The following CCDC102B variants were observed in gnomAD, a reference collection of about 807,000 sequenced individuals.
The protein encoded by CCDC102B is coiled-coil domain-containing protein 102B.
Under a neutral mutation model 57.4 loss-of-function variants are expected in CCDC102B, and 75 were observed. The observed-to-expected ratio is 1.31, with a 90% confidence interval of 1.08 to 1.58. The LOEUF is 1.58. Ranked by LOEUF, CCDC102B falls within the 40% of genes most tolerant of loss-of-function variation. The pLI, the probability that CCDC102B is intolerant of heterozygous loss-of-function variation, is 0.00. For missense variants in CCDC102B, 636 were observed against 582.6 expected, an observed-to-expected ratio of 1.09 and a Z score of -0.94; for synonymous variants, 206 against 201.9, an observed-to-expected ratio of 1.02 and a Z score of -0.17.
chr18:69,015,913 G>A (rs2051651912), intron 7 of CCDC102B, among the ~76,000 whole-genome samples: 1 of 151,916 alleles, frequency 6.6e-6, no homozygotes, highest in African/African-American at 2.4e-5. Context: ...GGAGTGCAGT[G>A]GTGTGATCTT....
chr18:68,742,926 T>C (rs1392089656), intron 2 of CCDC102B, among the ~76,000 whole-genome samples: 5 of 152,200 alleles, frequency 3.3e-5, no homozygotes, highest in Admixed American at 3.3e-4. Flanking sequence ...CCTGGATGTC[T>C]GGCTTTAACT....
chr18:68,868,548 C>G (rs1042507847), intron 4 of CCDC102B, among the ~76,000 whole-genome samples: 1 of 152,174 alleles, frequency 6.6e-6, no homozygotes, highest in Non-Finnish European at 1.5e-5. Flanking sequence ...CTTGCTGTCA[C>G]ATATTTCTGG....
intron 2 of CCDC102B, among the ~76,000 whole-genome samples, chr18:68,730,854 T>C: frequency 6.6e-6 from 1 of 152,216 alleles, no homozygotes; most frequent in Non-Finnish European, 1.5e-5. Flanking sequence ...AAGAAAGGTA[T>C]CAACAGTATC....
At chr18:68,857,274 TATAA>T (rs1210137673) in intron 4 of CCDC102B, among the ~76,000 whole-genome samples, 2 of 35,956 alleles carry the variant, frequency 5.6e-5, no homozygotes, top group Non-Finnish European at 1.2e-4. Context: ...TAAATATATA[TATAA>T]TATATATTTA....
intron 7 of CCDC102B, among the ~76,000 whole-genome samples, chr18:69,036,116 G>A (rs2052284930): frequency 6.6e-6 from 1 of 152,056 alleles, no homozygotes; most frequent in African/African-American, 2.4e-5. Context: ...GGGATTTAAA[G>A]TTTTATATAC....
At chr18:68,924,683 A>G (rs1327862356) in intron 6 of CCDC102B, among the ~76,000 whole-genome samples, 1 of 152,078 alleles carries the variant, frequency 6.6e-6, no homozygotes, top group Non-Finnish European at 1.5e-5. Context: ...TAGGTAGTTC[A>G]GGGGACTTAT....
intron 1 of CCDC102B, among the ~76,000 whole-genome samples, chr18:68,825,485 T>G (rs2036871674): frequency 6.6e-6 from 1 of 151,868 alleles, no homozygotes; most frequent in Non-Finnish European, 1.5e-5. Flanking sequence ...AAGCCAGGAG[T>G]TGGAGACCAG....
At chr18:69,024,984 G>A (rs903266387) in intron 7 of CCDC102B, among the ~76,000 whole-genome samples, 1 of 151,976 alleles carries the variant, frequency 6.6e-6, no homozygotes, top group Non-Finnish European at 1.5e-5. Flanking sequence ...AAATAGTCAT[G>A]GAAAAGGTGA....
chr18:69,050,299 A>C lies in CCDC102B; in HGVS notation c.1435-3731A>C, dbSNP rs144738386. Reference sequence around the variant, plus strand: ...ATCACCCTTGTTGAAAACTTCTAAAACCTTCTGAATCTATCATTTCTGCTT... The same window carrying C: ...ATCACCCTTGTTGAAAACTTCTAAACCCTTCTGAATCTATCATTTCTGCTT... On this transcript the variant is annotated intron_variant, in intron 7 of 7. Transcript: ENST00000360242. 9.9e-5 allele frequency among the ~76,000 whole-genome samples: 15 copies of C among 152,166 alleles called. No individual in the cohort carries two copies. In the East Asian group the frequency reaches 2.7e-3, roughly 27 times the overall value.
In CCDC102B at chr18:68,791,528, TG is replaced by T. The variant is rs1009427037; in HGVS notation, c.-66-31837del. Among the ~76,000 whole-genome samples the T allele has an allele frequency of 4.8e-4, 4 of 8,382 alleles. No homozygotes were observed. The Non-Finnish European group carries it at 0.025, about 53-fold the overall frequency. The allele number at this position is 8,382 out of a possible 152,430, so 5.5% of individuals were successfully genotyped here. A position where few individuals can be genotyped will look rare whatever the true frequency, so the allele number is the denominator to read the frequency against. On this transcript the variant is annotated intron_variant, in intron 2 of 3. Coordinates refer to the CCDC102B transcript ENST00000578970. ...CAAACAAAAATGGGTTTTGTAACAA[TG>T]TTTTTTTTTGTTTTTATTCCTTATG...
Position 69,055,122 on chromosome 18 carries a change from T to C in CCDC102B, c.*985T>C, listed in dbSNP as rs1219139619. ...CTGGTTTTACTCATCTCCCCCTCCA[T>C]TGATTAGCCAAAAAAAAATGAAATC... On this transcript the variant is annotated 3_prime_UTR_variant, in exon 8 of 8. Transcript: ENST00000360242. 1 of 983,404 alleles carries C rather than the reference T, an allele frequency of 1.0e-6. No homozygotes were observed. The highest frequency in any genetic ancestry group is 1.2e-6 in the Non-Finnish European group (1 of 828,252). The allele number at this position is 983,404 out of a possible 1,614,324, so 60.9% of individuals were successfully genotyped here.
At chr18:69,017,805 C>T (rs1405574161) in intron 7 of CCDC102B, among the ~76,000 whole-genome samples, 1 of 152,136 alleles carries the variant, frequency 6.6e-6, no homozygotes, top group Non-Finnish European at 1.5e-5. Flanking sequence ...CTTCCCTGCC[C>T]CCTGCCCCGG....
chr18:68,955,566 T>C (rs1355880550), intron 6 of CCDC102B, among the ~76,000 whole-genome samples: 1 of 152,114 alleles, frequency 6.6e-6, no homozygotes, highest in Non-Finnish European at 1.5e-5. Context: ...GATTTATACA[T>C]TGTTAAAATT....
chr18:69,038,669 T>A (rs537626083), intron 7 of CCDC102B, among the ~76,000 whole-genome samples: 1 of 152,112 alleles, frequency 6.6e-6, no homozygotes, highest in East Asian at 1.9e-4. Context: ...GTCACATATT[T>A]CATATCCATC....
chr18:68,791,718 CTATA>C (rs537503905), intron 2 of CCDC102B, among the ~76,000 whole-genome samples: 1 of 151,460 alleles, frequency 6.6e-6, no homozygotes, highest in African/African-American at 2.4e-5. Context: ...AATTTCCTGA[CTATA>C]TATATATTTT....
At chr18:68,804,020 G>A (rs929835447) in intron 1 of CCDC102B, among the ~76,000 whole-genome samples, 2 of 152,172 alleles carry the variant, frequency 1.3e-5, no homozygotes, top group African/African-American at 4.8e-5. Context: ...GTAGGGAAAA[G>A]GTAGAAGTGG....
chr18:69,011,243 A>C, intron 7 of CCDC102B, 139 bp downstream of exon 7: 1 of 774,990 alleles, frequency 1.3e-6, no homozygotes, highest in Non-Finnish European at 2.0e-6. Context: ...ATCAATTTAA[A>C]AAGAGTAAGG....
At chr18:69,001,699 A>C (rs1429366955) in intron 6 of CCDC102B, among the ~76,000 whole-genome samples, 1 of 152,056 alleles carries the variant, frequency 6.6e-6, no homozygotes, top group Non-Finnish European at 1.5e-5. Context: ...TGGCTGTCTC[A>C]ATTTCATATC....
chr18:69,018,241 G>A (rs932738185), intron 7 of CCDC102B, among the ~76,000 whole-genome samples: 2 of 152,160 alleles, frequency 1.3e-5, no homozygotes, highest in African/African-American at 4.8e-5. Flanking sequence ...TACACAACGT[G>A]TGTATACACA....
Sources: gnomAD v4.1 joint callset for allele counts (sites outside exome capture counted in the v4.1 genomes callset) on GRCh38, gnomAD v4.1.1 for gene constraint, MANE v1.5 for transcripts, NCBI Gene and HGNC (gene_info 2026-07-23, HGNC 2026-07-21) for gene names.